Variants in SYT10 observed in about 807,000 individuals in gnomAD.
SYT10 encodes synaptotagmin 10.
In SYT10, 31 loss-of-function variants were observed where a neutral mutation model predicts 51.1. That is an observed-to-expected ratio of 0.61 (90% confidence interval 0.46 to 0.82). SYT10 has a LOEUF of 0.82. Ranked by LOEUF, SYT10 falls within the 40% of genes least tolerant of loss-of-function variation. SYT10 has a pLI of 0.00. For synonymous variants in SYT10, 233 were observed against 225.9 expected, an observed-to-expected ratio of 1.03 and a Z score of -0.28; for missense variants, 603 against 634.0, an observed-to-expected ratio of 0.95 and a Z score of 0.53.
At chr12:33,438,283 A>G (rs1448059721) in intron 1 of SYT10, among the ~76,000 whole-genome samples, 1 of 152,196 alleles carries the variant, frequency 6.6e-6, no homozygotes, top group East Asian at 1.9e-4. Context: ...AAATGACAGG[A>G]AAAGCAAAGG....
chr12:33,376,654 T>C lies in SYT10; in HGVS notation c.*176A>G, dbSNP rs1866064804. 1.5e-6 allele frequency: 1 copy of C among 668,268 alleles called. No homozygotes were observed. Among genetic ancestry groups the C allele is most frequent in the Admixed American group, 2.9e-5 (1 of 34,220 alleles). The allele number at this position is 668,268 out of a possible 1,614,324, so 41.4% of individuals were successfully genotyped here. ...AAGGACTATATGTATTCAAGTAAAA[T>C]GTATTGATGTTCAAAGTTAAAAAAT... On this transcript the variant is annotated 3_prime_UTR_variant, in exon 7 of 7. Transcript: ENST00000228567.
chr12:33,406,886 T>C lies in SYT10; in HGVS notation c.980A>G (p.His327Arg). The change falls in exon 3 of 7, where the codon CAT becomes CGT. Residue 327 changes from histidine to arginine, a missense_variant. Physicochemically the swap from His to Arg is conservative, Grantham distance 29. Transcript: ENST00000228567. ...SVYDFDRFSR[H>R]DMIGEVILDN... is the part of the protein sequence containing the mutation. ...AAGAATCACTTCCCCAATCATGTCA[T>C]GTCTAGAAAATCTGTCAAAATCATA... The C allele has an allele frequency of 1.2e-6, 2 of 1,614,112 alleles. No homozygotes were observed. The highest frequency in any genetic ancestry group is 1.7e-6 in the Non-Finnish European group (2 of 1,180,020).
chr12:33,417,658 T>G (rs1019741838), intron 2 of SYT10, among the ~76,000 whole-genome samples: 1 of 152,312 alleles, frequency 6.6e-6, no homozygotes, highest in African/African-American at 2.4e-5. Context: ...GAATTTCAAG[T>G]GGATCCATGA....
chr12:33,388,102 T>C (rs1866173869), intron 3 of SYT10, among the ~76,000 whole-genome samples: 1 of 138,310 alleles, frequency 7.2e-6, no homozygotes, highest in African/African-American at 2.9e-5. Context: ...TAAAAATAGC[T>C]ACAAAGGTAC....
chr12:33,423,998 T>G, intron 2 of SYT10: 1 of 455,924 alleles, frequency 2.2e-6, no homozygotes, highest in Non-Finnish European at 4.4e-6. Flanking sequence ...CTTCTTCTTC[T>G]TTCCCCAACC....
intron 2 of SYT10, chr12:33,408,327 A>G (rs1397748695): frequency 6.6e-6 from 1 of 152,186 alleles, no homozygotes; most frequent in Admixed American, 6.5e-5. Context: ...CTCTAAGGAT[A>G]AAAACAAACG....
intron 2 of SYT10, among the ~76,000 whole-genome samples, chr12:33,425,197 A>G (rs2138431616): frequency 6.6e-6 from 1 of 152,246 alleles, no homozygotes; most frequent in South Asian, 2.1e-4. Flanking sequence ...GTTTAGAGAG[A>G]TAAAAAGGTA....
intron 6 of SYT10, among the ~76,000 whole-genome samples, chr12:33,378,594 T>C (rs1045331684): frequency 1.3e-5 from 2 of 152,206 alleles, no homozygotes; most frequent in Non-Finnish European, 2.9e-5. Context: ...CAACATGGCT[T>C]TACTCTCCTT....
At chr12:33,391,076 A>C (rs1866201842) in intron 3 of SYT10, among the ~76,000 whole-genome samples, 1 of 152,120 alleles carries the variant, frequency 6.6e-6, no homozygotes, top group Non-Finnish European at 1.5e-5. Context: ...AGCTGGGATT[A>C]CAGGCACATG....
chr12:33,437,991 C>T (rs1359588503), intron 1 of SYT10, among the ~76,000 whole-genome samples: 1 of 152,088 alleles, frequency 6.6e-6, no homozygotes, highest in Non-Finnish European at 1.5e-5. Context: ...TATCTTCAAG[C>T]TCTGCCAAGT....
At chr12:33,381,636 T>C (rs1436191074) in intron 5 of SYT10, among the ~76,000 whole-genome samples, 1 of 151,834 alleles carries the variant, frequency 6.6e-6, no homozygotes, top group Admixed American at 6.6e-5. Flanking sequence ...CTGTGGGGTG[T>C]TGGTGGGACA....
chr12:33,379,639 T>C (rs1451597221), intron 6 of SYT10, among the ~76,000 whole-genome samples, 193 bp downstream of exon 6: 1 of 151,326 alleles, frequency 6.6e-6, no homozygotes, highest in Non-Finnish European at 1.5e-5. Flanking sequence ...TGTAGTGTTT[T>C]TTAAAATCCA....
Position 33,407,248 on chromosome 12 carries a change from A to G in SYT10, c.618T>C (p.Ile206=). 1 of 1,614,124 alleles carries G rather than the reference A, an allele frequency of 6.2e-7. No homozygotes were observed. Among genetic ancestry groups the G allele is most frequent in the Non-Finnish European group, 8.5e-7 (1 of 1,180,030 alleles). ...VLQRGETTTS[I]GRIKPELYKQ... is the part of the protein sequence containing the mutation. ...TGTAGAGTTCTGGCTTTATCCTCCC[A>G]ATGCTGGTTGTTGTTTCTCCTCGTT... Residue 206 remains isoleucine, a synonymous_variant, in exon 3 of 7, where the codon ATT becomes ATC. Transcript: ENST00000228567.
chr12:33,414,401 G>T (rs1866436000), intron 2 of SYT10, among the ~76,000 whole-genome samples: 1 of 152,150 alleles, frequency 6.6e-6, no homozygotes. Context: ...GCACCACATT[G>T]CACTTATTCC....
chr12:33,437,173 ATCTTG>A (rs1866644969), intron 1 of SYT10, among the ~76,000 whole-genome samples: 1 of 152,180 alleles, frequency 6.6e-6, no homozygotes, highest in Non-Finnish European at 1.5e-5. Flanking sequence ...ACGTATAGCA[ATCTTG>A]TCTTTATATG....
intron 6 of SYT10, among the ~76,000 whole-genome samples, chr12:33,378,977 T>C (rs909440081): frequency 2.0e-5 from 3 of 152,192 alleles, no homozygotes; most frequent in African/African-American, 4.8e-5. Flanking sequence ...TGTGTGAGCA[T>C]GCAATGCTCA....
intron 3 of SYT10, among the ~76,000 whole-genome samples, chr12:33,387,444 A>T (rs1281670524): frequency 1.3e-5 from 2 of 152,220 alleles, no homozygotes; most frequent in African/African-American, 4.8e-5. Context: ...GGCATGTGAT[A>T]AGGAATGATG....
At chr12:33,394,980 C>T (rs1866242228) in intron 3 of SYT10, among the ~76,000 whole-genome samples, 1 of 152,164 alleles carries the variant, frequency 6.6e-6, no homozygotes, top group Non-Finnish European at 1.5e-5. Context: ...CCCAGGTACT[C>T]GGGAGGCTGA....
At chr12:33,401,201 A>G (rs1283820134) in intron 3 of SYT10, among the ~76,000 whole-genome samples, 1 of 152,134 alleles carries the variant, frequency 6.6e-6, no homozygotes, top group African/African-American at 2.4e-5. Context: ...CCAATAGGTA[A>G]CTTCTACTAC....
Sources: gnomAD v4.1 joint callset for allele counts (sites outside exome capture counted in the v4.1 genomes callset) on GRCh38, gnomAD v4.1.1 for gene constraint, MANE v1.5 for transcripts, NCBI Gene and HGNC (gene_info 2026-07-23, HGNC 2026-07-21) for gene names.